MYRIP: variants seen among roughly 807,000 people sequenced by gnomAD.
The protein encoded by MYRIP is rab effector MyRIP.
In MYRIP, 49 loss-of-function variants were observed where a neutral mutation model predicts 98.0. The ratio of observed to expected loss-of-function variants is 0.50; its 90% confidence interval spans 0.40 to 0.63. MYRIP has a LOEUF of 0.63. Among genes scored for constraint, MYRIP ranks in the 30% least tolerant of loss-of-function variants. The pLI, the probability that MYRIP is intolerant of heterozygous loss-of-function variation, is 0.00. For missense variants in MYRIP, 1,004 were observed against 1,058.2 expected (o/e 0.95, Z 0.71); for synonymous variants, 404 against 409.5 (o/e 0.99, Z 0.16).
intron 16 of MYRIP, among the ~76,000 whole-genome samples, chr3:40,256,852 G>A (rs1326574526): frequency 6.6e-6 from 1 of 151,952 alleles, no homozygotes; most frequent in South Asian, 2.1e-4. Flanking sequence ...ATGTTGTGAA[G>A]CTATCATAAC....
chr3:40,096,586 C>T (rs911461597), intron 3 of MYRIP, among the ~76,000 whole-genome samples: 1 of 152,182 alleles, frequency 6.6e-6, no homozygotes, highest in Admixed American at 6.5e-5. Flanking sequence ...GCTCTGGATA[C>T]AGGAATGGCC....
intron 2 of MYRIP, among the ~76,000 whole-genome samples, chr3:39,954,868 G>A (rs1461652382): frequency 2.6e-5 from 4 of 152,070 alleles, no homozygotes; most frequent in East Asian, 3.9e-4. Flanking sequence ...CGAGAACTAC[G>A]TGACAAATGC....
intron 3 of MYRIP, among the ~76,000 whole-genome samples, chr3:40,133,360 T>G (rs1470825025): frequency 6.6e-6 from 1 of 152,196 alleles, no homozygotes. Flanking sequence ...GGAGGCCTGA[T>G]GTAATAAGAC....
At chr3:40,033,643 G>T (rs946829192) in intron 2 of MYRIP, among the ~76,000 whole-genome samples, 4 of 152,138 alleles carry the variant, frequency 2.6e-5, no homozygotes, top group Non-Finnish European at 4.4e-5. Context: ...TGGCCATACT[G>T]CCCAAGGTAA....
At chr3:40,027,757 G>A (rs1041179930) in intron 2 of MYRIP, among the ~76,000 whole-genome samples, 1 of 152,054 alleles carries the variant, frequency 6.6e-6, no homozygotes, top group African/African-American at 2.4e-5. Context: ...AATAATAGGT[G>A]CCTAATAAGT....
At chr3:39,876,426 C>A (rs1942997440) in intron 1 of MYRIP, among the ~76,000 whole-genome samples, 1 of 152,176 alleles carries the variant, frequency 6.6e-6, no homozygotes, top group Non-Finnish European at 1.5e-5. Context: ...CATGCAGTTT[C>A]TTCCTAGCCT....
intron 2 of MYRIP, among the ~76,000 whole-genome samples, chr3:39,957,612 C>G: frequency 6.6e-6 from 1 of 152,118 alleles, no homozygotes; most frequent in Non-Finnish European, 1.5e-5. Flanking sequence ...CCTTTGAAAA[C>G]TGGCACAAGA....
At chr3:40,048,057 C>A (rs1947707607) in intron 3 of MYRIP, among the ~76,000 whole-genome samples, 1 of 152,152 alleles carries the variant, frequency 6.6e-6, no homozygotes, top group Non-Finnish European at 1.5e-5. Flanking sequence ...TTGGTTAGAA[C>A]TGATTTACTT....
At chr3:40,174,086 G>A (rs941177967) in intron 8 of MYRIP, 1 of 152,152 alleles carries the variant, frequency 6.6e-6, no homozygotes, top group African/African-American at 2.4e-5. Context: ...ACCTTTTAGG[G>A]AAGGAGTTGG....
chr3:40,252,704 T>C (rs1953414514), intron 16 of MYRIP, among the ~76,000 whole-genome samples: 1 of 152,204 alleles, frequency 6.6e-6, no homozygotes, highest in East Asian at 1.9e-4. Context: ...AGTGGGAAGA[T>C]GCATGAGTAG....
intron 3 of MYRIP, among the ~76,000 whole-genome samples, chr3:40,099,647 A>G (rs1329153645): frequency 2.6e-5 from 4 of 152,272 alleles, no homozygotes; most frequent in Middle Eastern, 6.8e-3. Flanking sequence ...CCCAAAAAAG[A>G]TCCCCTGAGA....
chr3:39,933,750 T>C (rs968517549), intron 2 of MYRIP, among the ~76,000 whole-genome samples: 4 of 152,228 alleles, frequency 2.6e-5, no homozygotes, highest in Admixed American at 6.5e-5. Flanking sequence ...ATATACTATT[T>C]TGAGAACGAC....
chr3:40,256,158 G>A (rs754125249), intron 16 of MYRIP, among the ~76,000 whole-genome samples: 7 of 152,178 alleles, frequency 4.6e-5, no homozygotes, highest in Non-Finnish European at 8.8e-5. Flanking sequence ...CATGTAGCTA[G>A]TGGCCACCAT....
At chr3:39,883,915 G>A (rs564143254) in intron 1 of MYRIP, among the ~76,000 whole-genome samples, 21 of 152,000 alleles carry the variant, frequency 1.4e-4, no homozygotes, top group Admixed American at 3.9e-4. Flanking sequence ...GTTATTATTC[G>A]AAGACAAGGT....
At chr3:40,181,965 A>C (rs949205977) in intron 8 of MYRIP, among the ~76,000 whole-genome samples, 1 of 152,172 alleles carries the variant, frequency 6.6e-6, no homozygotes, top group Non-Finnish European at 1.5e-5. Flanking sequence ...GATAAGAAAG[A>C]GCCGTATGAG....
chr3:39,872,391 G>C (rs2100691), intron 1 of MYRIP, among the ~76,000 whole-genome samples: 42,097 of 151,284 alleles, frequency 0.28, 6,660 homozygotes, highest in African/African-American at 0.43. Flanking sequence ...CAATGTGCAG[G>C]TTAGTTACAT....
intron 1 of MYRIP, among the ~76,000 whole-genome samples, chr3:39,880,649 A>G (rs1199238044): frequency 2.0e-5 from 3 of 152,180 alleles, no homozygotes; most frequent in Middle Eastern, 3.2e-3. Flanking sequence ...CTATTTACTC[A>G]TCTGCAAATA....
At chr3:39,963,240 T>A (rs570855169) in intron 2 of MYRIP, among the ~76,000 whole-genome samples, 1 of 152,090 alleles carries the variant, frequency 6.6e-6, no homozygotes, top group African/African-American at 2.4e-5. Flanking sequence ...ATGATGTGAG[T>A]GAACAGCCGG....
chr3:40,076,316 T>G (rs908407350), intron 3 of MYRIP, among the ~76,000 whole-genome samples: 2 of 152,332 alleles, frequency 1.3e-5, no homozygotes, highest in South Asian at 4.1e-4. Flanking sequence ...GGCCAGTATG[T>G]ATATGTTCCA....
Sources: allele counts gnomAD v4.1 joint callset (sites outside exome capture counted in the v4.1 genomes callset), GRCh38; gene constraint gnomAD v4.1.1; transcripts MANE v1.5; gene names NCBI Gene and HGNC (gene_info 2026-07-23, HGNC 2026-07-21).